ARMC9: variants seen among roughly 807,000 people sequenced by gnomAD.
The protein encoded by ARMC9 is armadillo repeat containing 9.
ARMC9 carries 94 observed loss-of-function variants against 107.0 expected under a neutral mutation model. The ratio of observed to expected loss-of-function variants is 0.88; its 90% CI spans 0.74 to 1.04. The LOEUF is 1.04. ARMC9 is among the 50% of genes least tolerant of loss of function. The pLI is 0.00. For missense variants in ARMC9, 942 were observed against 1,030.1 expected (o/e 0.91, Z 1.17); for synonymous variants, 380 against 396.9 (o/e 0.96, Z 0.51).
chr2:231,249,883 G>A (rs1248112217), intron 9 of ARMC9, among the ~76,000 whole-genome samples: 23 of 46,056 alleles, frequency 5.0e-4, no homozygotes, highest in African/African-American at 3.2e-3. Context: ...CCGCCCACCC[G>A]TGCACACCTC....
At chr2:231,256,950 C>T (rs534331330) in intron 10 of ARMC9, among the ~76,000 whole-genome samples, 121 of 152,098 alleles carry the variant, frequency 8.0e-4, no homozygotes, top group African/African-American at 2.8e-3. Context: ...CTCAGTCTCC[C>T]GATTACAGGC....
intron 11 of ARMC9, 118 bp downstream of exon 11, chr2:231,259,220 TG>T: frequency 2.3e-6 from 2 of 871,250 alleles, no homozygotes; most frequent in Non-Finnish European, 1.7e-6. Context: ...CCCCGCTGTC[TG>T]CTGACACCAA....
intron 8 of ARMC9, 51 bp from the exon 9 acceptor site, chr2:231,239,892 C>G: frequency 6.6e-7 from 1 of 1,511,568 alleles, no homozygotes; most frequent in Non-Finnish European, 9.2e-7. Context: ...CCTCAGGTGT[C>G]CCTCAGTGAG....
At chr2:231,223,327 C>G (rs1351640111) in intron 6 of ARMC9, among the ~76,000 whole-genome samples, 1 of 152,202 alleles carries the variant, frequency 6.6e-6, no homozygotes, top group South Asian at 2.1e-4. Flanking sequence ...AGTATCACCA[C>G]AGTCCAGTTC....
intron 21 of ARMC9, among the ~76,000 whole-genome samples, chr2:231,349,452 A>G (rs2044950685): frequency 6.7e-6 from 1 of 149,480 alleles, no homozygotes; most frequent in Non-Finnish European, 1.5e-5. Context: ...GGTGGTGGCT[A>G]GGGGAGTTGG....
chr2:231,322,755 A>G (rs148656627), intron 19 of ARMC9, among the ~76,000 whole-genome samples: 1 of 152,276 alleles, frequency 6.6e-6, no homozygotes, highest in African/African-American at 2.4e-5. Flanking sequence ...CTGAGCTCTA[A>G]CATTAGTAAT....
At chr2:231,234,604 C>A (rs1361187566) in intron 7 of ARMC9, among the ~76,000 whole-genome samples, 1 of 151,360 alleles carries the variant, frequency 6.6e-6, no homozygotes, top group Non-Finnish European at 1.5e-5. Context: ...ATAAAACATT[C>A]TTTTTTTTTG....
At chr2:231,291,204 ATC>A (rs762161213) in intron 17 of ARMC9, 147 bp from the exon 18 acceptor site, 10 of 595,094 alleles carry the variant, frequency 1.7e-5, no homozygotes, top group Non-Finnish European at 2.7e-5. Context: ...TCTTAAACAT[ATC>A]TGTCTCCTCT....
intron 10 of ARMC9, 89 bp from the exon 11 acceptor site, chr2:231,258,902 C>A: frequency 8.3e-7 from 1 of 1,209,354 alleles, no homozygotes; most frequent in Non-Finnish European, 1.2e-6. Context: ...GAACAGCAGG[C>A]TCTAGCTTGG....
chr2:231,241,078 G>A (rs757288606), intron 9 of ARMC9, among the ~76,000 whole-genome samples: 4 of 151,762 alleles, frequency 2.6e-5, no homozygotes, highest in Non-Finnish European at 5.9e-5. Flanking sequence ...GGCACCTGTA[G>A]TCCCAGCTAC....
intron 20 of ARMC9, among the ~76,000 whole-genome samples, chr2:231,340,667 A>G (rs2044440784): frequency 6.6e-6 from 1 of 152,080 alleles, no homozygotes; most frequent in Non-Finnish European, 1.5e-5. Flanking sequence ...CAAGTGGATC[A>G]CCTGAGGTCA....
chr2:231,212,338 G>A (rs1356253760), intron 3 of ARMC9, among the ~76,000 whole-genome samples: 1 of 152,204 alleles, frequency 6.6e-6, no homozygotes, highest in Non-Finnish European at 1.5e-5. Context: ...TCCAGGTACA[G>A]AATGTGATTC....
chr2:231,359,082 G>GTTCTTTTTTTTTTTTTTTTT (rs767321498), intron 22 of ARMC9, among the ~76,000 whole-genome samples: 1 of 117,864 alleles, frequency 8.5e-6, no homozygotes, highest in African/African-American at 3.5e-5. Context: ...GGGGTCTCCT[G>GTTCTTTTTTTTTTTTTTTTT]TTTTTTTTTT....
chr2:231,204,001 CAA>C (rs1040354940), intron 1 of ARMC9, among the ~76,000 whole-genome samples: 2 of 151,468 alleles, frequency 1.3e-5, no homozygotes, highest in African/African-American at 4.8e-5. Context: ...AAAAACCAAA[CAA>C]ATGAAAAAAC....
intron 3 of ARMC9, among the ~76,000 whole-genome samples, chr2:231,208,676 C>T (rs1488052591): frequency 1.3e-5 from 2 of 152,240 alleles, no homozygotes; most frequent in Admixed American, 6.5e-5. Flanking sequence ...ACTGACAAGG[C>T]GGGTCTGTGA....
At chr2:231,348,495 T>A (rs78922067) in intron 21 of ARMC9, among the ~76,000 whole-genome samples, 1 of 152,326 alleles carries the variant, frequency 6.6e-6, no homozygotes, top group Non-Finnish European at 1.5e-5. Context: ...AGGAAAACAT[T>A]GGGGAATGTC....
In ARMC9 at chr2:231,309,481, A is replaced by G. The variant is rs565418676; in HGVS notation, c.1773+13228A>G. The stretch of plus-strand genomic sequence containing the variant: ...TATTTGATAAATAAATGCATTCTAC[A>G]TTATTTCATTTTACAATATTTATTT... On this transcript the variant is annotated intron_variant, in intron 19 of 24. Coordinates refer to ENST00000611582, the MANE Select transcript of ARMC9 (RefSeq NM_001352754.2). Among the ~76,000 whole-genome samples the G allele has an allele frequency of 6.6e-5, 10 of 152,284 alleles. No homozygotes were observed. In the South Asian group the frequency reaches 2.1e-3, roughly 32 times the overall value.
chr2:231,200,179 G>A (rs1049108645), intron 1 of ARMC9, among the ~76,000 whole-genome samples: 1 of 152,172 alleles, frequency 6.6e-6, no homozygotes, highest in Non-Finnish European at 1.5e-5. Flanking sequence ...GGCGGAGAGA[G>A]TAATATGCGC....
rs141709081 is a variant in ARMC9, at chr2:231,375,573, G to C, written c.*4038G>C. 3.9e-4 allele frequency among the ~76,000 whole-genome samples: 60 copies of C among 152,352 alleles called. No homozygotes were observed. Among genetic ancestry groups the C allele is most frequent in the African/African-American group, 1.4e-3 (58 of 41,576 alleles). ...TATTCTTTGGGGCTGCAGTGTGTCA[G>C]ATGTGGAGACATGGTCCCACTGGCT... On this transcript the variant is annotated 3_prime_UTR_variant, in exon 25 of 25. Transcript: ENST00000611582. This position sits in a 1 kb window ranked among gnomAD's most constrained non-coding sequence, Gnocchi z 4.3.
Sources: gnomAD v4.1 joint callset for allele counts (sites outside exome capture counted in the v4.1 genomes callset) on GRCh38, gnomAD v4.1.1 for gene constraint, Gnocchi (gnomAD v3.1) non-coding constraint, MANE v1.5 for transcripts, NCBI Gene and HGNC (gene_info 2026-07-23, HGNC 2026-07-21) for gene names.